Variants in STK32A observed in about 807,000 individuals in gnomAD.
STK32A encodes the protein serine/threonine kinase 32A.
Under a neutral mutation model 53.2 loss-of-function variants are expected in STK32A, and 41 were observed. The observed-to-expected ratio is 0.77, with a 90% CI of 0.60 to 1.00. STK32A has a LOEUF of 1.00. STK32A is among the 50% of genes least tolerant of loss of function. STK32A has a pLI of 0.00. For missense variants in STK32A, 458 were observed against 485.8 expected, an observed-to-expected ratio of 0.94 and a Z score of 0.54; for synonymous variants, 166 against 162.8, an observed-to-expected ratio of 1.02 and a Z score of -0.15.
At chr5:147,355,811 T>TAA in intron 7 of STK32A, among the ~76,000 whole-genome samples, 2 of 148,282 alleles carry the variant, frequency 1.3e-5, no homozygotes, top group Admixed American at 1.4e-4. Flanking sequence ...TATATATATA[T>TAA]AAATAAGTTC....
chr5:147,253,288 GA>G (rs1205802257), intron 2 of STK32A, among the ~76,000 whole-genome samples: 1 of 151,898 alleles, frequency 6.6e-6, no homozygotes, highest in Non-Finnish European at 1.5e-5. Context: ...CTTTGATCCT[GA>G]AAAAAAATTT....
chr5:147,383,957 G>A lies in STK32A; in HGVS notation c.1165G>A (p.Glu389Lys), dbSNP rs1414596405. 3 of 1,608,314 alleles carry A rather than the reference G, an allele frequency of 1.9e-6. No homozygotes were observed. The highest frequency in any genetic ancestry group is 1.1e-5 in the South Asian group (1 of 89,574). ...ALEQTKDPQG[E>K]DGQNNNL Reference sequence around the variant, plus strand: ...GGAACAAACCAAAGACCCACAAGGTGAGGATGGTCAGAATAACAACTTGTA... The same window carrying A: ...GGAACAAACCAAAGACCCACAAGGTAAGGATGGTCAGAATAACAACTTGTA... Residue 389 changes from glutamate (E) to lysine (K), a missense_variant, in exon 13 of 13, where the codon GAG (glutamate) becomes AAG (lysine). Physicochemically the swap from Glu to Lys is moderately conservative, Grantham distance 56 (BLOSUM62 1). Coordinates refer to ENST00000397936, the MANE Select transcript of STK32A (RefSeq NM_001112724.2).
rs1247928795 is a variant in STK32A, at chr5:147,279,379, C to A, written c.241C>A (p.Pro81Thr). 1 of 1,595,478 alleles carries A rather than the reference C, an allele frequency of 6.3e-7. No individual in the cohort carries two copies. Among genetic ancestry groups the A allele is most frequent in the Non-Finnish European group, 8.5e-7 (1 of 1,170,534 alleles). Residue 81 changes from proline to threonine, a missense_variant, in exon 4 of 13, where the codon CCT (proline) becomes ACT (threonine). Coordinates refer to ENST00000397936, the MANE Select transcript of STK32A (RefSeq NM_001112724.2). ...CCAGATCATGCAGGGTCTGGAGCAC[C>A]CTTTCCTGGTTAATTTGTGGTGAGT... ...ELQIMQGLEH[P>T]FLVNLWYSFQ...
intron 2 of STK32A, among the ~76,000 whole-genome samples, chr5:147,250,811 G>A (rs545545284): frequency 5.3e-5 from 8 of 151,914 alleles, no homozygotes; most frequent in South Asian, 2.1e-4. Flanking sequence ...GCCTGGTGGC[G>A]GGTGCCTGTA....
chr5:147,346,395 A>T (rs1447805296), intron 6 of STK32A, among the ~76,000 whole-genome samples: 4 of 152,192 alleles, frequency 2.6e-5, no homozygotes, highest in African/African-American at 9.6e-5. Flanking sequence ...GCTGTGTATC[A>T]CACCATGCTG....
chr5:147,270,911 C>T (rs1454742809), intron 2 of STK32A, among the ~76,000 whole-genome samples: 2 of 152,106 alleles, frequency 1.3e-5, no homozygotes, highest in African/African-American at 4.8e-5. Context: ...ATATTCTTTG[C>T]CCAGCATTTC....
the STK32A span, chr5:147,394,228 A>T: frequency 8.6e-7 from 1 of 1,168,286 alleles, no homozygotes; most frequent in East Asian, 2.4e-5. Context: ...GCAAGATATG[A>T]AGTGCCTTGC....
Position 147,330,914 on chromosome 5 carries a change from C to T in STK32A, c.434+6843C>T, listed in dbSNP as rs190617901. On this transcript the variant is annotated intron_variant, in intron 5 of 12. Transcript: ENST00000397936. ...AAATTATGTTTGTTTTAACTGAGGTCTTTAGTTTATTTCAGGCAGAGATCT... is the reference window on the plus strand; with the variant it reads ...AAATTATGTTTGTTTTAACTGAGGTTTTTAGTTTATTTCAGGCAGAGATCT... 4.0e-3 allele frequency among the ~76,000 whole-genome samples: 612 copies of T among 152,272 alleles called. 6 individuals carry two copies. The highest frequency in any genetic ancestry group is 0.014 in the African/African-American group (589 of 41,568).
chr5:147,344,130 G>C (rs925967896), intron 6 of STK32A, among the ~76,000 whole-genome samples: 1 of 152,172 alleles, frequency 6.6e-6, no homozygotes, highest in African/African-American at 2.4e-5. Flanking sequence ...GATGAGGAGA[G>C]TCCTAGATCT....
chr5:147,255,295 T>C (rs1380673273), intron 2 of STK32A, among the ~76,000 whole-genome samples: 1 of 152,224 alleles, frequency 6.6e-6, no homozygotes, highest in Non-Finnish European at 1.5e-5. Context: ...TTAGTAGTTT[T>C]GCTTCATTTT....
At chr5:147,286,806 A>AAT (rs905305765) in intron 4 of STK32A, among the ~76,000 whole-genome samples, 8 of 152,146 alleles carry the variant, frequency 5.3e-5, no homozygotes, top group East Asian at 1.9e-4. Context: ...CCTTGAGGTC[A>AAT]ATATATATAT....
chr5:147,243,033 G>T (rs1441355013), intron 2 of STK32A, among the ~76,000 whole-genome samples: 1 of 151,946 alleles, frequency 6.6e-6, no homozygotes, highest in Non-Finnish European at 1.5e-5. Context: ...CCAGTATCAA[G>T]GGCACTAAAA....
At chr5:147,299,266 A>G (rs1208417539) in intron 4 of STK32A, among the ~76,000 whole-genome samples, 2 of 152,076 alleles carry the variant, frequency 1.3e-5, no homozygotes, top group Non-Finnish European at 2.9e-5. Flanking sequence ...TGGCATTTGT[A>G]AACTGTCATG....
intron 2 of STK32A, among the ~76,000 whole-genome samples, chr5:147,274,208 C>T (rs1477184624): frequency 1.3e-5 from 2 of 152,140 alleles, no homozygotes; most frequent in South Asian, 2.1e-4. Context: ...AAGACCTGTG[C>T]GAAGCAGGAC....
chr5:147,357,749 G>T (rs1200727102), intron 7 of STK32A, among the ~76,000 whole-genome samples: 1 of 151,948 alleles, frequency 6.6e-6, no homozygotes, highest in East Asian at 1.9e-4. Flanking sequence ...ACTTAACTCA[G>T]TTGTATATTA....
intron 4 of STK32A, among the ~76,000 whole-genome samples, chr5:147,286,058 G>A (rs891546539): frequency 3.3e-5 from 5 of 152,088 alleles, no homozygotes; most frequent in Non-Finnish European, 7.4e-5. Context: ...TAAAGAAACT[G>A]TGGTATATGT....
chr5:147,396,509 G>A, the STK32A span, among the ~76,000 whole-genome samples: 1 of 152,216 alleles, frequency 6.6e-6, no homozygotes, highest in Admixed American at 6.5e-5. Flanking sequence ...CGCGCTGCCA[G>A]AGGAGCCTGA....
chr5:147,295,513 T>G (rs972416080), intron 4 of STK32A, among the ~76,000 whole-genome samples: 5 of 152,260 alleles, frequency 3.3e-5, no homozygotes, highest in Non-Finnish European at 7.3e-5. Context: ...CAGTATTAAC[T>G]GGTCTTATTT....
chr5:147,362,248 A>G (rs75616625), intron 8 of STK32A, among the ~76,000 whole-genome samples: 64 of 152,382 alleles, frequency 4.2e-4, no homozygotes, highest in African/African-American at 1.5e-3. Flanking sequence ...GCTTACCATA[A>G]TAAAATACTG....
Sources: allele counts gnomAD v4.1 joint callset (sites outside exome capture counted in the v4.1 genomes callset), GRCh38; gene constraint gnomAD v4.1.1; transcripts MANE v1.5; gene names NCBI Gene and HGNC (gene_info 2026-07-23, HGNC 2026-07-21).